Variants in PRH1 observed in about 807,000 individuals in gnomAD.
The protein encoded by PRH1 is salivary acidic proline-rich phosphoprotein 1/2.
Under a neutral mutation model 7.9 loss-of-function variants are expected in PRH1, and 7 were observed. The observed-to-expected ratio is 0.89, with a 90% CI of 0.50 to 1.67. PRH1 has a LOEUF of 1.67. Ranked by LOEUF, PRH1 falls within the 40% of genes most tolerant of loss-of-function variation. The pLI, the probability that PRH1 is intolerant of heterozygous loss-of-function variation, is 0.00. For missense variants in PRH1, 109 were observed against 223.6 expected (o/e 0.49, Z 3.27); for synonymous variants, 45 against 80.8 (o/e 0.56, Z 2.38).
chr12:10,997,995 A>G (rs748734715), intron 1 of PRH1: 36 of 640,476 alleles, frequency 5.6e-5, no homozygotes, highest in Non-Finnish European at 9.3e-5. Context: ...AACATTCTTT[A>G]TACTTTTAAA....
At chr12:10,906,678 C>T (rs369196180) in intron 2 of PRH1, among the ~76,000 whole-genome samples, 123 of 152,242 alleles carry the variant, frequency 8.1e-4, no homozygotes, top group South Asian at 2.9e-3. Context: ...TTTCCCCTTT[C>T]GCTTGGCTGT....
chr12:11,105,553 C>T (rs953730651), intron 1 of PRH1, among the ~76,000 whole-genome samples: 1 of 152,158 alleles, frequency 6.6e-6, no homozygotes, highest in Admixed American at 6.5e-5. Context: ...AACACAACGT[C>T]CTTGCTGTAA....
chr12:11,132,366 G>C (rs541765553), intron 1 of PRH1, among the ~76,000 whole-genome samples: 16 of 151,906 alleles, frequency 1.1e-4, no homozygotes, highest in Admixed American at 1.1e-3. Context: ...GAAGACTGGA[G>C]TTCTCTTATC....
chr12:10,997,266 TAC>T (rs1180538039), intron 1 of PRH1: 1 of 1,614,106 alleles, frequency 6.2e-7, no homozygotes, highest in East Asian at 2.2e-5. Context: ...TTCAGATGTT[TAC>T]ACAGAGAGTA....
rs866641624 is a variant in PRH1 at position 10,989,773 on chromosome 12, C to T, written c.-125-16052G>A. ...TTTTGAATTTCTATTTGTTAAAGTC[C>T]GCTATGGTTTTGAAACACACTGAAG... On this transcript the variant is annotated intron_variant, in intron 1 of 3. Transcript: ENST00000539853. Among the ~76,000 whole-genome samples, 15 of 152,068 alleles carry T rather than the reference C, an allele frequency of 9.9e-5. No individual in the cohort carries two copies. In the South Asian group the frequency reaches 1.0e-3, roughly 11 times the overall value.
chr12:11,053,062 T>G (rs1943219036), intron 1 of PRH1, among the ~76,000 whole-genome samples: 1 of 152,294 alleles, frequency 6.6e-6, no homozygotes. Flanking sequence ...GGAAATTAAG[T>G]TGATGTGAGT....
intron 1 of PRH1, among the ~76,000 whole-genome samples, chr12:11,087,173 C>T (rs184271690): frequency 0.021 from 2,461 of 115,032 alleles, 553 homozygotes; most frequent in Middle Eastern, 0.036. Context: ...ACAATCATAG[C>T]CCACTGCAGC....
intron 2 of PRH1, among the ~76,000 whole-genome samples, chr12:10,960,323 G>A (rs752618476): frequency 1.6e-4 from 24 of 152,290 alleles, no homozygotes; most frequent in Middle Eastern, 3.4e-3. Context: ...GAACACTGGG[G>A]GTGGTAGTAC....
chr12:11,091,243 T>A lies in PRH1; in HGVS notation n.124-44055A>T. 3 of 1,105,032 alleles carry A rather than the reference T, an allele frequency of 2.7e-6. No homozygotes were observed. In the East Asian group the frequency reaches 7.2e-5, roughly 26 times the overall value. The allele number at this position is 1,105,032 out of a possible 1,614,324, so 68.5% of individuals were successfully genotyped here. On this transcript the variant is annotated intron_variant and non_coding_transcript_variant, in intron 1 of 4. Coordinates refer to the PRH1 transcript ENST00000541977. ...AAAACCAGTAAGAAATATAAAATGT[T>A]TCATACACCACCAGTTTGTTTCCTG...
At chr12:11,098,877 A>T (rs2708365) in intron 1 of PRH1, among the ~76,000 whole-genome samples, 69,175 of 151,950 alleles carry the variant, frequency 0.46, 16,563 homozygotes, top group Non-Finnish European at 0.53. Flanking sequence ...TATTTTCTCA[A>T]AATTTCCAAA....
intron 1 of PRH1, among the ~76,000 whole-genome samples, chr12:11,122,613 G>T (rs887054144): frequency 1.4e-4 from 21 of 152,236 alleles, no homozygotes; most frequent in African/African-American, 5.1e-4. Flanking sequence ...AAAAATCTGG[G>T]GTTGGCAGGA....
At chr12:10,893,638 T>G (rs939249348) in intron 2 of PRH1, among the ~76,000 whole-genome samples, 2 of 152,236 alleles carry the variant, frequency 1.3e-5, no homozygotes, top group African/African-American at 2.4e-5. Context: ...TTTAATTTTA[T>G]TCACACATTT....
At chr12:10,928,395 A>G (rs1207301182) in intron 2 of PRH1, among the ~76,000 whole-genome samples, 1 of 152,186 alleles carries the variant, frequency 6.6e-6, no homozygotes, top group Non-Finnish European at 1.5e-5. Flanking sequence ...GTAGATGATG[A>G]ATTCTATAGA....
chr12:11,094,284 A>G (rs1945019404), intron 1 of PRH1, among the ~76,000 whole-genome samples: 1 of 75,668 alleles, frequency 1.3e-5, no homozygotes, highest in Non-Finnish European at 3.2e-5. Flanking sequence ...CCTGAGTGAC[A>G]GACCAAGACT....
At position 11,042,486 on chromosome 12, in the gene PRH1, TA is replaced by T. The variant is rs140733298; in HGVS notation, c.-126+4533del. On this transcript the variant is annotated intron_variant, in intron 1 of 3. Transcript: ENST00000539853. ...TTCTGCAATAAAATGTCTCCCAGTT[TA>T]AAAAAAAAAAAAAAAAAAAGCCTGG... 7.3e-3 allele frequency among the ~76,000 whole-genome samples: 698 copies of T among 95,004 alleles called. 8 individuals are homozygous for T. Among genetic ancestry groups the T allele is most frequent in the African/African-American group, 0.024 (587 of 24,344 alleles). The allele number at this position is 95,004 out of a possible 152,430, so 62.3% of individuals were successfully genotyped here.
At chr12:10,929,079 C>A (rs1260598273) in intron 2 of PRH1, among the ~76,000 whole-genome samples, 1 of 152,228 alleles carries the variant, frequency 6.6e-6, no homozygotes, top group Non-Finnish European at 1.5e-5. Flanking sequence ...CCAACCCTTC[C>A]TGCTAGGCTA....
intron 2 of PRH1, among the ~76,000 whole-genome samples, chr12:10,971,963 GT>G (rs1938835582): frequency 6.6e-6 from 1 of 151,964 alleles, no homozygotes; most frequent in African/African-American, 2.4e-5. Flanking sequence ...TTTTCATGAA[GT>G]TTCAAATTCT....
intron 2 of PRH1, chr12:10,938,051 A>C: frequency 2.2e-6 from 1 of 448,738 alleles, no homozygotes; most frequent in East Asian, 3.4e-5. Context: ...TTGTATAAGA[A>C]CTCTTTATAG....
In PRH1 at chr12:11,161,246, A is replaced by AT. The variant is rs1385780805; in HGVS notation, n.39+10175dup. ...ACTACATAGGGAAGGTTACTCAGAC[A>AT]TATCAGTACCATTAAAAGAACAAAA... On this transcript the variant is annotated intron_variant and non_coding_transcript_variant, in intron 1 of 1. Coordinates refer to the PRH1 transcript ENST00000541175. Among the ~76,000 whole-genome samples the AT allele has an allele frequency of 2.6e-5, 4 of 152,226 alleles. No individual in the cohort carries two copies. The East Asian group carries it at 7.7e-4, about 29-fold the overall frequency.
Sources: gnomAD v4.1 joint callset for allele counts (sites outside exome capture counted in the v4.1 genomes callset) on GRCh38, gnomAD v4.1.1 for gene constraint, MANE v1.5 for transcripts, NCBI Gene and HGNC (gene_info 2026-07-23, HGNC 2026-07-21) for gene names.